Variants in PSG7 observed in about 807,000 individuals in gnomAD.
PSG7 encodes the protein pregnancy specific beta-1-glycoprotein 7.
A neutral mutation model predicts 45.6 loss-of-function variants in PSG7; 57 were observed. That is an observed-to-expected ratio of 1.25 (90% CI 1.01 to 1.56). The LOEUF is 1.56. Ranked by LOEUF, PSG7 falls within the 40% of genes most tolerant of loss-of-function variation. PSG7 has a pLI of 0.00. For missense variants in PSG7, 796 were observed against 508.4 expected, an observed-to-expected ratio of 1.57 and a Z score of -5.44; for synonymous variants, 298 against 194.4, an observed-to-expected ratio of 1.53 and a Z score of -4.43.
intron 3 of PSG7, among the ~76,000 whole-genome samples, chr19:42,927,826 C>T (rs1036850497): frequency 1.3e-5 from 2 of 151,522 alleles, no homozygotes; most frequent in African/African-American, 4.9e-5. Context: ...TGGGGAGTTT[C>T]TAGAGATCTG....
intron 2 of PSG7, among the ~76,000 whole-genome samples, chr19:42,930,243 C>G (rs1195762904): frequency 6.6e-6 from 1 of 151,606 alleles, no homozygotes; most frequent in Non-Finnish European, 1.5e-5. Flanking sequence ...AGAAATAACA[C>G]AGGGGAGACC....
At position 42,924,930 on chromosome 19, in the gene PSG7, C is replaced by T. The variant is rs953611659; in HGVS notation, c.1244-106G>A. On this transcript the variant is annotated intron_variant, in intron 5 of 5. Coordinates refer to ENST00000406070, the MANE Select transcript of PSG7 (RefSeq NM_002783.3). ...ATAATTTTTCTCTCTATGGGCATCT[C>T]TAGTTTTACCAATGATAATTTCAGT... The T allele has an allele frequency of 4.1e-6, 3 of 732,774 alleles. No individual in the cohort carries two copies. The African/African-American group carries it at 5.2e-5, about 13-fold the overall frequency. The allele number at this position is 732,774 out of a possible 1,614,324, so 45.4% of individuals were successfully genotyped here.
intron 3 of PSG7, chr19:42,929,177 G>C: frequency 1.3e-6 from 1 of 781,712 alleles, no homozygotes; most frequent in Middle Eastern, 3.7e-4. Flanking sequence ...CTGTGTTCAT[G>C]ATCTGGAGCC....
In PSG7 at chr19:42,925,629, T is replaced by C. The variant is rs373243994; in HGVS notation, c.1243+144A>G. 235 of 1,521,688 alleles carry C rather than the reference T, an allele frequency of 1.5e-4. 8 individuals carry two copies. Among genetic ancestry groups the C allele is most frequent in the African/African-American group, 1.1e-3 (80 of 71,818 alleles). The allele number at this position is 1,521,688 out of a possible 1,614,324, so 94.3% of individuals were successfully genotyped here. ...AAGTTTTCGAAGTTCTTAGACAAATTTGGAGGGTTCAGGAGGAAAATTTGG... is the reference window on the plus strand; with the variant it reads ...AAGTTTTCGAAGTTCTTAGACAAATCTGGAGGGTTCAGGAGGAAAATTTGG... On this transcript the variant is annotated intron_variant, in intron 5 of 5. Transcript: ENST00000406070.
chr19:42,925,513 T>C (rs1972861797), intron 5 of PSG7: 1 of 949,908 alleles, frequency 1.1e-6, no homozygotes, highest in Admixed American at 3.2e-5. Context: ...AAAAACATTA[T>C]CCTCATTATT....
rs542073273 is a variant in PSG7, at chr19:42,933,240, C to A, written c.430+2164G>T. ...TTGGCAGACTTGGAGTCATTAAAAT[C>A]ATTCTTTACTACAAATCACCATTTC... On this transcript the variant is annotated intron_variant, in intron 2 of 5. Coordinates refer to ENST00000406070, the MANE Select transcript of PSG7 (RefSeq NM_002783.3). Among the ~76,000 whole-genome samples the A allele has an allele frequency of 4.6e-5, 5 of 109,098 alleles. No homozygotes were observed. In the South Asian group the frequency reaches 1.0e-3, roughly 23 times the overall value. 71.6% of individuals were successfully genotyped at this position (109,098 alleles called of 152,430 possible).
rs200190947 is a variant in PSG7, at chr19:42,925,949, G to A, written c.1067C>T (p.Ala356Val). The A allele has an allele frequency of 2.4e-4, 386 of 1,612,064 alleles. 9 individuals are homozygous for A. The highest frequency in any genetic ancestry group is 2.7e-4 in the Non-Finnish European group (318 of 1,179,178). ...ATACTGTGCCGGTGGGTTAGAGTCC[G>A]CAAAGCAGGACAAGTAGAGGTTTTG... ...SGQNLYLSCFADSNPPAQYSW... is the reference protein window; with the variant it reads ...SGQNLYLSCFVDSNPPAQYSW... Residue 356 changes from alanine to valine, a missense_variant, in exon 5 of 6, where the codon GCG (alanine) becomes GTG (valine). Ala to Val is a moderately conservative substitution (Grantham distance 64). Coordinates refer to ENST00000406070, the MANE Select transcript of PSG7 (RefSeq NM_002783.3).
intron 3 of PSG7, 87 bp from the exon 4 acceptor site, chr19:42,926,803 C>T (rs1486258889): frequency 2.6e-6 from 4 of 1,563,896 alleles, no homozygotes; most frequent in African/African-American, 1.4e-5. Context: ...GCATCTCCCA[C>T]CTGTCAACAC....
chr19:42,936,588 C>T (rs1323870517), intron 1 of PSG7: 1 of 176,506 alleles, frequency 5.7e-6, no homozygotes, highest in East Asian at 1.8e-4. Context: ...ACCCCTGTCC[C>T]TCTCTGGTGT....
Position 42,926,438 on chromosome 19 carries a change from A to G in PSG7, c.988T>C (p.Tyr330His), listed in dbSNP as rs1162552087. The change falls in exon 4 of 6, where the codon TAT becomes CAT. Residue 330 changes from tyrosine (Y) to histidine (H), a missense_variant and splice_region_variant. By Grantham distance (83) the Tyr-to-His change is moderately conservative (BLOSUM62 2). Transcript: ENST00000406070. Reference protein sequence around the residue: ...RSDPVTLNVLYGPDLPRIYPS... With the variant: ...RSDPVTLNVLHGPDLPRIYPS... ...AGAAAGGATACTCAAGGATACTCAC[A>G]GAGGACATTCAGGGTGACTGGGTCA... is the stretch of plus-strand genomic sequence containing the variant. 1 of 1,611,542 alleles carries G rather than the reference A, an allele frequency of 6.2e-7. No individual in the cohort carries two copies. The highest frequency in any genetic ancestry group is 1.3e-5 in the African/African-American group (1 of 74,732).
Position 42,926,480 on chromosome 19 carries a change from A to G in PSG7, c.946T>C (p.Tyr316His), listed in dbSNP as rs368588330. The part of the protein sequence containing the change: ...GPYQCEIRDR[Y>H]GGIRSDPVTL... ...ACTGGGTCACTGCGGATGCCACCAT[A>G]TCGGTCCCGTATTTCACATTGATAG... Residue 316 changes from tyrosine (Y) to histidine (H), a missense_variant, in exon 4 of 6, where the codon TAT becomes CAT. Transcript: ENST00000406070. 1.1e-5 allele frequency: 17 copies of G among 1,611,412 alleles called. No individual in the cohort carries two copies. The highest frequency in any genetic ancestry group is 1.3e-5 in the African/African-American group (1 of 74,552).
In PSG7 at chr19:42,935,507, G is replaced by T. The variant is rs782636423; in HGVS notation, c.327C>A (p.Ile109=). ...CTGTGTCTTCCTGGGTGACATTCTG[G>T]ATCAGCAGGGATGCATTGGAATATA... is the stretch of plus-strand genomic sequence containing the variant. ...ETVYSNASLL[I]QNVTQEDTGS... The change falls in exon 2 of 6, where the codon ATC becomes ATA. Residue 109 remains isoleucine, a synonymous_variant. Coordinates refer to ENST00000406070, the MANE Select transcript of PSG7 (RefSeq NM_002783.3). 3 of 1,612,088 alleles carry T rather than the reference G, an allele frequency of 1.9e-6. No individual in the cohort carries two copies. Among genetic ancestry groups the T allele is most frequent in the African/African-American group, 1.3e-5 (1 of 74,616 alleles).
chr19:42,928,376 T>C (rs1284399715), intron 3 of PSG7, among the ~76,000 whole-genome samples: 1 of 151,600 alleles, frequency 6.6e-6, no homozygotes, highest in African/African-American at 2.4e-5. Context: ...CTTTGCGTAG[T>C]ATTTTCTTTC....
chr19:42,929,588 G>T lies in PSG7; in HGVS notation c.563C>A (p.Pro188His). 1.2e-6 allele frequency: 2 copies of T among 1,612,596 alleles called. No homozygotes were observed. Among genetic ancestry groups the T allele is most frequent in the Non-Finnish European group, 1.7e-6 (2 of 1,179,242 alleles). Residue 188 changes from proline to histidine, a missense_variant, in exon 3 of 6, where the codon CCT becomes CAT. Transcript: ENST00000406070. ...AGACAGCTGCAAGCTGTGAGTCATA[G>T]GGAGGCTCTGACCATTCATCCACCA... The part of the protein sequence containing the change: ...YLWWMNGQSL[P>H]MTHSLQLSET...
At chr19:42,933,624 G>A (rs755807075) in intron 2 of PSG7, among the ~76,000 whole-genome samples, 1 of 150,592 alleles carries the variant, frequency 6.6e-6, no homozygotes, top group African/African-American at 2.4e-5. Context: ...GTTAGAGGGA[G>A]TGTCTGCGGA....
rs190307964 is a variant in PSG7, at chr19:42,928,366, C to T, written c.709+1076G>A. Reference sequence around the variant, plus strand: ...GGGGTTGCATTGAATCTGCAACTCACTTTGCGTAGTATTTTCTTTCTAACA... The same window carrying T: ...GGGGTTGCATTGAATCTGCAACTCATTTTGCGTAGTATTTTCTTTCTAACA... On this transcript the variant is annotated intron_variant, in intron 3 of 5. Coordinates refer to ENST00000406070, the MANE Select transcript of PSG7 (RefSeq NM_002783.3). Among the ~76,000 whole-genome samples, 158 of 151,592 alleles carry T rather than the reference C, an allele frequency of 1.0e-3. 5 individuals carry two copies. The highest frequency in any genetic ancestry group is 2.0e-3 in the Non-Finnish European group (136 of 67,920).
At chr19:42,924,924 G>T in intron 5 of PSG7, 100 bp from the exon 6 acceptor site, 2 of 745,490 alleles carry the variant, frequency 2.7e-6, no homozygotes, top group Non-Finnish European at 4.9e-6. Context: ...CTCTCTATGG[G>T]CATCTCTAGT....
At chr19:42,930,944 A>C (rs1973007850) in intron 2 of PSG7, among the ~76,000 whole-genome samples, 1 of 151,650 alleles carries the variant, frequency 6.6e-6, no homozygotes, top group Non-Finnish European at 1.5e-5. Context: ...GAATATTTGC[A>C]GTACATGTAC....
chr19:42,932,871 T>G (rs1281679987), intron 2 of PSG7, among the ~76,000 whole-genome samples: 2 of 151,434 alleles, frequency 1.3e-5, no homozygotes, highest in Non-Finnish European at 2.9e-5. Flanking sequence ...CAGTGTCATT[T>G]GGCAAGAGTT....
Sources: allele counts gnomAD v4.1 joint callset (sites outside exome capture counted in the v4.1 genomes callset), GRCh38; gene constraint gnomAD v4.1.1; transcripts MANE v1.5; gene names NCBI Gene and HGNC (gene_info 2026-07-23, HGNC 2026-07-21).